NDUFAF2: variants seen among roughly 807,000 people sequenced by gnomAD.
NDUFAF2 encodes the protein NADH dehydrogenase [ubiquinone] 1 alpha subcomplex assembly factor 2.
In NDUFAF2, 13 loss-of-function variants were observed where a neutral mutation model predicts 22.8. The observed-to-expected ratio is 0.57, with a 90% CI of 0.37 to 0.91. The LOEUF is 0.91. Among genes scored for constraint, NDUFAF2 ranks in the 40% least tolerant of loss-of-function variants. The probability of loss-of-function intolerance (pLI) is 0.01; values close to 1 mark genes in which losing one functional copy is unlikely to be tolerated. For synonymous variants in NDUFAF2, 53 were observed against 64.2 expected (o/e 0.83, Z 0.84); for missense variants, 162 against 195.2 (o/e 0.83, Z 1.01).
chr5:60,969,076 G>A (rs573768757), intron 1 of NDUFAF2, among the ~76,000 whole-genome samples: 90 of 152,108 alleles, frequency 5.9e-4, no homozygotes, highest in Non-Finnish European at 1.0e-3. Flanking sequence ...GTACTCCACT[G>A]TGTATGTGTA....
chr5:60,985,020 G>C (rs1386861757), intron 1 of NDUFAF2, among the ~76,000 whole-genome samples: 1 of 152,122 alleles, frequency 6.6e-6, no homozygotes, highest in African/African-American at 2.4e-5. Context: ...AATTCGTCTG[G>C]TCCTGGACTG....
intron 1 of NDUFAF2, among the ~76,000 whole-genome samples, chr5:60,947,791 A>C (rs7728655): frequency 0.062 from 9,424 of 151,214 alleles, 996 homozygotes; most frequent in African/African-American, 0.22. Flanking sequence ...AAACAAGCCC[A>C]AAAAACAACA....
chr5:61,108,540 A>G lies in NDUFAF2; in HGVS notation c.258+9508A>G, dbSNP rs148195563. ...GGTATTTCTCAAGAAATCTTTGCTC[A>G]GTCCAGTGTCCTAGAGAGTTTCCCC... On this transcript the variant is annotated intron_variant, in intron 3 of 3. Transcript: ENST00000296597. Among the ~76,000 whole-genome samples the G allele has an allele frequency of 1.4e-3, 207 of 151,538 alleles. 5 individuals are homozygous for G. The East Asian group carries it at 0.018, about 13-fold the overall frequency.
chr5:61,099,584 TA>T (rs1174377345), intron 3 of NDUFAF2, among the ~76,000 whole-genome samples: 4 of 151,550 alleles, frequency 2.6e-5, no homozygotes, highest in South Asian at 2.1e-4. Context: ...TGATAAACAA[TA>T]AAAAAACATA....
intron 3 of NDUFAF2, among the ~76,000 whole-genome samples, chr5:61,142,634 CT>C (rs1406984199): frequency 6.6e-6 from 1 of 152,182 alleles, no homozygotes; most frequent in Non-Finnish European, 1.5e-5. Context: ...CAGAGGCGTA[CT>C]AGTGATTGGC....
intron 1 of NDUFAF2, among the ~76,000 whole-genome samples, chr5:61,034,912 A>ATATATGTG (rs111557328): frequency 3.2e-4 from 46 of 144,994 alleles, no homozygotes; most frequent in African/African-American, 1.1e-3. Context: ...GCAAATATAT[A>ATATATGTG]TGTGTGTGTG....
chr5:61,051,011 A>G (rs1752017949), intron 1 of NDUFAF2, among the ~76,000 whole-genome samples: 1 of 152,232 alleles, frequency 6.6e-6, no homozygotes, highest in Non-Finnish European at 1.5e-5. Flanking sequence ...GGCTTCATTT[A>G]TCTAAAAAAT....
intron 1 of NDUFAF2, among the ~76,000 whole-genome samples, chr5:61,067,269 A>G (rs1227809864): frequency 6.6e-6 from 1 of 151,592 alleles, no homozygotes; most frequent in Admixed American, 6.6e-5. Context: ...TTAACTCGTC[A>G]TTTAGCATTA....
chr5:60,949,996 T>C (rs969999935), intron 1 of NDUFAF2, among the ~76,000 whole-genome samples: 2 of 152,168 alleles, frequency 1.3e-5, no homozygotes, highest in African/African-American at 2.4e-5. Flanking sequence ...CCTTTGGACA[T>C]TCTCTGTAGG....
At chr5:61,133,770 C>G (rs1470026466) in intron 3 of NDUFAF2, among the ~76,000 whole-genome samples, 3 of 152,196 alleles carry the variant, frequency 2.0e-5, no homozygotes, top group African/African-American at 4.8e-5. Flanking sequence ...GAGCCACATT[C>G]ATTCATTTCG....
At position 61,073,137 on chromosome 5, in the gene NDUFAF2, G is replaced by A. The variant is rs762449995; in HGVS notation, c.140G>A (p.Arg47Gln). 8.1e-6 allele frequency: 13 copies of A among 1,609,630 alleles called. No individual in the cohort carries two copies. In the East Asian group the frequency reaches 2.0e-4, roughly 25 times the overall value. The part of the protein sequence containing the change: ...QYKNWRGQTI[R>Q]EKRIVEAANK... ...TTTTGTCTTATAGGACAAACTATTC[G>A]AGAGAAAAGAATTGTAGAAGCAGCA... is the stretch of plus-strand genomic sequence containing the variant. The change falls in exon 2 of 4, where the codon CGA becomes CAA. Residue 47 changes from arginine (R) to glutamine (Q), a missense_variant. This residue lies in a region of NDUFAF2 where 94 missense variants were observed against 85.2 expected (regional missense o/e 1.10). Transcript: ENST00000296597.
intron 3 of NDUFAF2, among the ~76,000 whole-genome samples, chr5:61,148,749 T>G (rs1351275744): frequency 6.6e-6 from 1 of 152,182 alleles, no homozygotes. Context: ...AAACATTCAG[T>G]GAATAACAAT....
intron 1 of NDUFAF2, among the ~76,000 whole-genome samples, chr5:61,033,045 T>C (rs1751748640): frequency 6.6e-6 from 1 of 152,198 alleles, no homozygotes; most frequent in Non-Finnish European, 1.5e-5. Flanking sequence ...GCATGGAATG[T>C]TTTTCCATTT....
intron 1 of NDUFAF2, among the ~76,000 whole-genome samples, chr5:60,978,415 T>G (rs978327405): frequency 2.6e-5 from 4 of 152,074 alleles, no homozygotes; most frequent in Non-Finnish European, 5.9e-5. Flanking sequence ...ACAGGAAGCA[T>G]AGTGGCTTCT....
chr5:60,950,024 G>A (rs561700543), intron 1 of NDUFAF2, among the ~76,000 whole-genome samples: 13 of 152,158 alleles, frequency 8.5e-5, no homozygotes, highest in South Asian at 2.1e-4. Flanking sequence ...ATCAACTGTG[G>A]ATAGAGACAG....
At chr5:61,136,129 T>G (rs1451158354) in intron 3 of NDUFAF2, among the ~76,000 whole-genome samples, 1 of 149,664 alleles carries the variant, frequency 6.7e-6, no homozygotes, top group Non-Finnish European at 1.5e-5. Flanking sequence ...AATTATTTGT[T>G]GTTCTATTTA....
intron 1 of NDUFAF2, among the ~76,000 whole-genome samples, chr5:60,985,150 C>T (rs1361360771): frequency 2.0e-5 from 3 of 152,158 alleles, no homozygotes; most frequent in Non-Finnish European, 4.4e-5. Flanking sequence ...GGAATTTATC[C>T]ATTTCTTGTA....
intron 3 of NDUFAF2, among the ~76,000 whole-genome samples, chr5:61,128,173 C>T (rs1327655951): frequency 6.6e-6 from 1 of 152,138 alleles, no homozygotes; most frequent in African/African-American, 2.4e-5. Flanking sequence ...GAAGAACATT[C>T]CATGCTTATG....
intron 3 of NDUFAF2, among the ~76,000 whole-genome samples, chr5:61,126,422 G>A (rs1753036429): frequency 6.6e-6 from 1 of 151,998 alleles, no homozygotes; most frequent in African/African-American, 2.4e-5. Context: ...CCTTCACAAA[G>A]TCAAACTAAT....
Sources: allele counts gnomAD v4.1 joint callset (sites outside exome capture counted in the v4.1 genomes callset), GRCh38; gene constraint gnomAD v4.1.1; regional missense constraint gnomAD v4.1.1; transcripts MANE v1.5; gene names NCBI Gene and HGNC (gene_info 2026-07-23, HGNC 2026-07-21).